Variants in NRG1 observed in about 807,000 individuals in gnomAD.
NRG1 encodes neuregulin 1.
In NRG1, 18 loss-of-function variants were observed where a neutral mutation model predicts 63.8. The observed-to-expected ratio is 0.28, with a 90% CI of 0.19 to 0.42. The LOEUF is 0.42. Among genes scored for constraint, NRG1 ranks in the 10% least tolerant of loss-of-function variants. The pLI, the probability that NRG1 is intolerant of heterozygous loss-of-function variation, is 1.00. For missense variants in NRG1, 762 were observed against 814.7 expected (o/e 0.94, Z 0.79); for synonymous variants, 302 against 301.3 (o/e 1.00, Z -0.02).
chr8:32,316,006 C>G (rs1000016867), intron 1 of NRG1, among the ~76,000 whole-genome samples: 1 of 145,220 alleles, frequency 6.9e-6, no homozygotes, highest in Non-Finnish European at 1.5e-5. Flanking sequence ...TGAAAGGAGA[C>G]GATTAACCTA....
At chr8:32,427,192 A>G (rs1225888077) in intron 1 of NRG1, among the ~76,000 whole-genome samples, 1 of 152,190 alleles carries the variant, frequency 6.6e-6, no homozygotes, top group African/African-American at 2.4e-5. Flanking sequence ...CCATAGAAAA[A>G]GTAGAAAAGC....
chr8:32,388,708 A>G (rs1412767641), intron 1 of NRG1, among the ~76,000 whole-genome samples: 1 of 151,854 alleles, frequency 6.6e-6, no homozygotes, highest in Non-Finnish European at 1.5e-5. Flanking sequence ...CCATTTCAGC[A>G]TTATTGGTTT....
At chr8:31,873,505 G>A (rs1470989943) in intron 1 of NRG1, among the ~76,000 whole-genome samples, 1 of 152,156 alleles carries the variant, frequency 6.6e-6, no homozygotes, top group Non-Finnish European at 1.5e-5. Flanking sequence ...ATTGCAGTGA[G>A]CTGAGATCAG....
intron 1 of NRG1, among the ~76,000 whole-genome samples, chr8:32,333,987 C>T (rs1188935224): frequency 1.3e-5 from 2 of 152,162 alleles, no homozygotes; most frequent in Non-Finnish European, 2.9e-5. Context: ...GTTGAAGTGC[C>T]ACTTCTTCTG....
chr8:32,627,603 C>A (rs1849529067), intron 5 of NRG1, among the ~76,000 whole-genome samples: 1 of 152,180 alleles, frequency 6.6e-6, no homozygotes. Flanking sequence ...CCACCATACC[C>A]AGCTTGCAAT....
chr8:32,442,635 G>A (rs1246312050), intron 1 of NRG1: 1 of 152,146 alleles, frequency 6.6e-6, no homozygotes, highest in African/African-American at 2.4e-5. Flanking sequence ...GCCTGTGATT[G>A]GGCCAAAAGT....
chr8:31,924,349 T>G (rs1385150160), intron 1 of NRG1, among the ~76,000 whole-genome samples: 2 of 30,554 alleles, frequency 6.5e-5, no homozygotes, highest in Non-Finnish European at 1.4e-4. Flanking sequence ...AGACTCCATC[T>G]CAAAAAAAAA....
intron 1 of NRG1, among the ~76,000 whole-genome samples, chr8:32,067,514 C>G (rs1170505517): frequency 6.6e-6 from 1 of 152,068 alleles, no homozygotes; most frequent in Non-Finnish European, 1.5e-5. Flanking sequence ...TATGTTGAAC[C>G]AGCCTTGCAT....
chr8:32,297,344 G>C (rs1479219584), intron 1 of NRG1, among the ~76,000 whole-genome samples: 1 of 151,978 alleles, frequency 6.6e-6, no homozygotes, highest in Non-Finnish European at 1.5e-5. Context: ...TTTCCTTTTG[G>C]CATTTACTTC....
intron 1 of NRG1, among the ~76,000 whole-genome samples, chr8:31,936,844 G>GT (rs150678771): frequency 0.02 from 3,102 of 152,286 alleles, 62 homozygotes; most frequent in African/African-American, 0.052. Context: ...TGAAATGCAT[G>GT]TCATAAGAAC....
chr8:32,398,097 T>C (rs1487188908), intron 1 of NRG1, among the ~76,000 whole-genome samples: 1 of 152,224 alleles, frequency 6.6e-6, no homozygotes, highest in African/African-American at 2.4e-5. Flanking sequence ...TATGTGATTG[T>C]TGAGCAGGGA....
chr8:32,143,034 G>A (rs1016249497), intron 1 of NRG1, among the ~76,000 whole-genome samples: 9 of 152,136 alleles, frequency 5.9e-5, no homozygotes, highest in South Asian at 2.1e-4. Flanking sequence ...GCCTCCAGAC[G>A]GAGGTTTCTT....
intron 1 of NRG1, among the ~76,000 whole-genome samples, chr8:31,725,043 G>A (rs73671097): frequency 3.1e-3 from 475 of 152,258 alleles, no homozygotes; most frequent in African/African-American, 0.011. Flanking sequence ...TGAATTTCAT[G>A]TAATCTTCAC....
chr8:31,798,556 T>G (rs888854347), intron 1 of NRG1, among the ~76,000 whole-genome samples: 1 of 152,206 alleles, frequency 6.6e-6, no homozygotes, highest in African/African-American at 2.4e-5. Context: ...GAAGGATTCC[T>G]TAATTTCTTT....
chr8:32,488,182 A>G (rs1826133656), intron 1 of NRG1, among the ~76,000 whole-genome samples: 1 of 152,132 alleles, frequency 6.6e-6, no homozygotes, highest in Admixed American at 6.5e-5. Flanking sequence ...TCGCCTAAAT[A>G]TTTTATGAAG....
At chr8:32,150,134 C>A (rs935818342) in intron 1 of NRG1, among the ~76,000 whole-genome samples, 1 of 152,216 alleles carries the variant, frequency 6.6e-6, no homozygotes, top group East Asian at 1.9e-4. Context: ...TGCAGAGCAA[C>A]AAACACTACG....
intron 1 of NRG1, among the ~76,000 whole-genome samples, chr8:31,911,527 G>A (rs976584830): frequency 2.0e-5 from 3 of 152,186 alleles, no homozygotes; most frequent in Non-Finnish European, 4.4e-5. Context: ...AAGTGGGAGC[G>A]AAATGATGAG....
intron 1 of NRG1, among the ~76,000 whole-genome samples, chr8:32,430,045 A>T (rs1817934934): frequency 6.6e-6 from 1 of 152,192 alleles, no homozygotes; most frequent in African/African-American, 2.4e-5. Flanking sequence ...GAAGTTGCTT[A>T]GTAACATCCT....
At position 32,121,398 on chromosome 8, in the gene NRG1, C is replaced by CGT. The variant is rs140452698; in HGVS notation, c.38-474405_38-474404dup. Among the ~76,000 whole-genome samples, 1,277 of 148,878 alleles carry CGT rather than the reference C, an allele frequency of 8.6e-3. 16 individuals carry two copies. Among genetic ancestry groups the CGT allele is most frequent in the South Asian group, 0.03 (138 of 4,664 alleles). On this transcript the variant is annotated intron_variant, in intron 1 of 10. Coordinates refer to the NRG1 transcript ENST00000519301. ...TAGGCTGATCATTTACCTGGGAAAT[C>CGT]GTGTGTGTGTGTGTGTGTGTGTGTG...
Sources: allele counts gnomAD v4.1 joint callset (sites outside exome capture counted in the v4.1 genomes callset), GRCh38; gene constraint gnomAD v4.1.1; transcripts MANE v1.5; gene names NCBI Gene and HGNC (gene_info 2026-07-23, HGNC 2026-07-21).